Variants in UNC45B observed in about 807,000 individuals in gnomAD.
UNC45B encodes the protein protein unc-45 homolog B.
In UNC45B, 78 loss-of-function variants were observed where a neutral mutation model predicts 98.7. That is an observed-to-expected ratio of 0.79 (90% CI 0.66 to 0.95). UNC45B has a LOEUF of 0.95. UNC45B is among the 40% of genes least tolerant of loss of function. The pLI is 0.00. For synonymous variants in UNC45B, 462 were observed against 480.4 expected (o/e 0.96, Z 0.50); for missense variants, 1,225 against 1,184.9 (o/e 1.03, Z -0.50).
chr17:35,181,236 G>A (rs1418802482), intron 18 of UNC45B, among the ~76,000 whole-genome samples: 1 of 152,182 alleles, frequency 6.6e-6, no homozygotes, highest in Non-Finnish European at 1.5e-5. Flanking sequence ...TAGGCTTCAT[G>A]GTCCAGTCAT....
Position 35,175,973 on chromosome 17 carries a change from T to A in UNC45B, c.1964T>A (p.Phe655Tyr). The A allele has an allele frequency of 6.2e-7, 1 of 1,614,088 alleles. No individual in the cohort carries two copies. The highest frequency in any genetic ancestry group is 8.5e-7 in the Non-Finnish European group (1 of 1,179,994). ...CTTTCTTCTCGGTCCCACAGGGTAT[T>A]CCTGGCACTGTGTGACAACCCAAAG... ...DQTKELLARV[F>Y]LALCDNPKDR... Residue 655 changes from phenylalanine (F) to tyrosine (Y), a missense_variant, in exon 15 of 20, where the codon TTC (phenylalanine) becomes TAC (tyrosine). Physicochemically the swap from Phe to Tyr is conservative, Grantham distance 22. Transcript: ENST00000394570.
chr17:35,147,933 C>T (rs1338209958), intron 1 of UNC45B, 23 bp downstream of exon 1: 3 of 300,732 alleles, frequency 1.0e-5, no homozygotes, highest in Non-Finnish European at 1.9e-5. Flanking sequence ...CTGGGGTGTG[C>T]CCTGGACTGG....
rs2092187008 is a variant in UNC45B, at chr17:35,171,539, T to C, written c.1830+77T>C. 4 of 1,555,114 alleles carry C rather than the reference T, an allele frequency of 2.6e-6. No homozygotes were observed. In the East Asian group the frequency reaches 9.1e-5, roughly 35 times the overall value. ...AAAGGAGGCGGAACGGCAAAAGGAG[T>C]GGTGTCAGGAGTGGCACGGTGTGTG... On this transcript the variant is annotated intron_variant, in intron 13 of 19. Coordinates refer to ENST00000394570, the MANE Select transcript of UNC45B (RefSeq NM_001267052.2).
intron 10 of UNC45B, among the ~76,000 whole-genome samples, chr17:35,169,171 C>A (rs1400063141): frequency 6.6e-6 from 1 of 151,962 alleles, no homozygotes; most frequent in African/African-American, 2.4e-5. Context: ...TCCCAAGTAG[C>A]TGGGATTACA....
At position 35,169,852 on chromosome 17, in the gene UNC45B, G is replaced by A. The variant is rs762410176; in HGVS notation, c.1468G>A (p.Gly490Ser). 17 of 1,613,998 alleles carry A rather than the reference G, an allele frequency of 1.1e-5. No homozygotes were observed. The highest frequency in any genetic ancestry group is 1.3e-5 in the African/African-American group (1 of 74,914). Residue 490 changes from glycine to serine, a missense_variant, in exon 11 of 20, where the codon GGC (glycine) becomes AGC (serine). Gly to Ser is a moderately conservative substitution (Grantham distance 56). Coordinates refer to ENST00000394570, the MANE Select transcript of UNC45B (RefSeq NM_001267052.2). ...TCCTCCTCAGGGACTCTGTAAGCTC[G>A]GCTCTGCAGGTGGCACAGACTACGG... ...IRTLVGLCKL[G>S]SAGGTDYGLR...
At chr17:35,162,069 C>T (rs1484846743) in intron 8 of UNC45B, among the ~76,000 whole-genome samples, 1 of 152,160 alleles carries the variant, frequency 6.6e-6, no homozygotes, top group Non-Finnish European at 1.5e-5. Context: ...TCCTGAGTTT[C>T]TGTTTTTGTT....
At chr17:35,180,733 C>T in intron 18 of UNC45B, 57 bp downstream of exon 18, 4 of 1,388,996 alleles carry the variant, frequency 2.9e-6, no homozygotes, top group Non-Finnish European at 4.1e-6. Context: ...AGAGGCAGGC[C>T]AGGGTCAGGG....
chr17:35,154,544 C>T (rs201306277), intron 5 of UNC45B, 30 bp from the exon 6 acceptor site: 137 of 1,606,026 alleles, frequency 8.5e-5, no homozygotes, highest in Non-Finnish European at 1.1e-4. Context: ...GTACCTCCCT[C>T]GTAACCCTTA....
At chr17:35,175,946 T>G (rs774885335) in intron 14 of UNC45B, 22 bp from the exon 15 acceptor site, 6 of 1,612,380 alleles carry the variant, frequency 3.7e-6, no homozygotes, top group Admixed American at 1.7e-5. Flanking sequence ...TTAACTGTTC[T>G]CCTTTCTTCT....
At chr17:35,173,592 C>T (rs762596161) in intron 13 of UNC45B, among the ~76,000 whole-genome samples, 5 of 151,992 alleles carry the variant, frequency 3.3e-5, no homozygotes, top group Non-Finnish European at 7.4e-5. Flanking sequence ...TGGCTGGTGA[C>T]CTTGAACCAC....
At chr17:35,153,923 C>T (rs2092039803) in intron 5 of UNC45B, among the ~76,000 whole-genome samples, 1 of 152,074 alleles carries the variant, frequency 6.6e-6, no homozygotes, top group Non-Finnish European at 1.5e-5. Context: ...TTTTAAGGTT[C>T]ATGCATCCTT....
Position 35,148,438 on chromosome 17 carries a change from G to C in UNC45B, c.168+7G>C. The stretch of plus-strand genomic sequence containing the variant: ...AGCCTGTGGCCTGAAAACGGTCTGG[G>C]GCAGGGCAGGGCACAGGGTGGGAGT... On this transcript the variant is annotated splice_region_variant and intron_variant, in intron 2 of 19. Transcript: ENST00000394570. 6.2e-7 allele frequency: 1 copy of C among 1,612,954 alleles called. No individual in the cohort carries two copies. The highest frequency in any genetic ancestry group is 8.5e-7 in the Non-Finnish European group (1 of 1,179,586).
At position 35,154,752 on chromosome 17, in the gene UNC45B, G is replaced by T. The variant is rs756107422; in HGVS notation, c.639+11G>T. 1 of 1,567,590 alleles carries T rather than the reference G, an allele frequency of 6.4e-7. No homozygotes were observed. Among genetic ancestry groups the T allele is most frequent in the Admixed American group, 2.0e-5 (1 of 50,808 alleles). On this transcript the variant is annotated intron_variant, in intron 6 of 19. Coordinates refer to ENST00000394570, the MANE Select transcript of UNC45B (RefSeq NM_001267052.2). ...GGCCACCAAGCCAGAGTAAGTGCCC[G>T]GCTGTGGGGCATGTGGAGCAGACGA...
At chr17:35,157,848 A>G (rs1040511559) in intron 7 of UNC45B, among the ~76,000 whole-genome samples, 23 of 151,760 alleles carry the variant, frequency 1.5e-4, no homozygotes, top group Non-Finnish European at 3.2e-4. Flanking sequence ...CTATTTCTTA[A>G]TGTTGTTCTT....
Position 35,155,474 on chromosome 17 carries a change from A to G in UNC45B, c.808+10A>G. 1.9e-6 allele frequency: 3 copies of G among 1,613,290 alleles called. No homozygotes were observed. Among genetic ancestry groups the G allele is most frequent in the Non-Finnish European group, 2.5e-6 (3 of 1,179,426 alleles). ...GAGGCCCTGGTTCTAGGTAGGAAAC[A>G]TTCTTCAGTTTTGATTCAAGGGGAT... On this transcript the variant is annotated intron_variant, in intron 7 of 19. Coordinates refer to ENST00000394570, the MANE Select transcript of UNC45B (RefSeq NM_001267052.2).
At chr17:35,177,319 A>G (rs1448303515) in intron 16 of UNC45B, among the ~76,000 whole-genome samples, 176 bp from the exon 17 acceptor site, 1 of 152,188 alleles carries the variant, frequency 6.6e-6, no homozygotes, top group Non-Finnish European at 1.5e-5. Flanking sequence ...CCTCTCCAAA[A>G]TTCAGTTATC....
chr17:35,155,202 T>C (rs1465502356), intron 6 of UNC45B, 94 bp from the exon 7 acceptor site: 2 of 1,463,290 alleles, frequency 1.4e-6, no homozygotes, highest in Non-Finnish European at 9.3e-7. Context: ...CTGCATGGGA[T>C]AGGGTGGGGA....
rs2092306126 is a variant in UNC45B, at chr17:35,186,601, C to A, written c.*42C>A. 1.9e-6 allele frequency: 3 copies of A among 1,602,866 alleles called. No individual in the cohort carries two copies. Among genetic ancestry groups the A allele is most frequent in the Non-Finnish European group, 8.5e-7 (1 of 1,173,002 alleles). On this transcript the variant is annotated 3_prime_UTR_variant, in exon 20 of 20. Transcript: ENST00000394570. Reference sequence around the variant, plus strand: ...ATGCTGGGAGTGGTCCTGTACTGTGCAGAGTCCTGGGTTGGTTGGGTTCTC... The same window carrying A: ...ATGCTGGGAGTGGTCCTGTACTGTGAAGAGTCCTGGGTTGGTTGGGTTCTC...
At chr17:35,185,418 C>T (rs949714793) in intron 19 of UNC45B, among the ~76,000 whole-genome samples, 1 of 152,092 alleles carries the variant, frequency 6.6e-6, no homozygotes, top group Non-Finnish European at 1.5e-5. Context: ...AGCGATTCTC[C>T]TGCCTCAGCC....
Sources: allele counts gnomAD v4.1 joint callset (sites outside exome capture counted in the v4.1 genomes callset), GRCh38; gene constraint gnomAD v4.1.1; transcripts MANE v1.5; gene names NCBI Gene and HGNC (gene_info 2026-07-23, HGNC 2026-07-21).